The following TFEC variants were observed in gnomAD, a reference collection of about 807,000 sequenced individuals.
The protein encoded by TFEC is transcription factor EC, also known as class E basic helix-loop-helix protein 34.
TFEC carries 31 observed loss-of-function variants against 41.6 expected under a neutral mutation model. The observed-to-expected ratio is 0.74, with a 90% confidence interval of 0.56 to 1.01. The LOEUF is 1.01. Ranked by LOEUF, TFEC falls within the 50% of genes least tolerant of loss-of-function variation. TFEC has a pLI of 0.00. For missense variants in TFEC, 402 were observed against 404.1 expected (o/e 0.99, Z 0.04); for synonymous variants, 143 against 140.6 (o/e 1.02, Z -0.12).
chr7:116,036,164 G>A (rs1290470691), intron 3 of TFEC, among the ~76,000 whole-genome samples: 1 of 151,910 alleles, frequency 6.6e-6, no homozygotes, highest in Non-Finnish European at 1.5e-5. Context: ...GCTTATTTTG[G>A]AATTGGACCA....
intron 3 of TFEC, chr7:115,968,139 G>T: frequency 6.7e-7 from 1 of 1,502,336 alleles, no homozygotes; most frequent in South Asian, 1.3e-5. Flanking sequence ...ATTTAAGGTG[G>T]TTTCATCTCC....
intron 3 of TFEC, among the ~76,000 whole-genome samples, chr7:116,055,977 A>G (rs981356823): frequency 5.9e-5 from 9 of 152,156 alleles, no homozygotes; most frequent in Admixed American, 1.3e-4. Flanking sequence ...TTGATAACAT[A>G]TTATTGAAAT....
intron 3 of TFEC, among the ~76,000 whole-genome samples, chr7:115,969,769 T>G (rs1488065509): frequency 6.6e-6 from 1 of 151,930 alleles, no homozygotes; most frequent in Non-Finnish European, 1.5e-5. Context: ...TCAGAGCCTG[T>G]GGCTGTAGGG....
intron 1 of TFEC, among the ~76,000 whole-genome samples, chr7:115,995,936 G>A (rs1794349866): frequency 6.6e-6 from 1 of 152,204 alleles, no homozygotes; most frequent in African/African-American, 2.4e-5. Flanking sequence ...CAGAAGTTTA[G>A]TTCTTGCAAG....
chr7:116,136,502 A>G (rs978128633), intron 1 of TFEC, among the ~76,000 whole-genome samples: 83 of 152,084 alleles, frequency 5.5e-4, no homozygotes, highest in African/African-American at 1.9e-3. Flanking sequence ...ATTTATTCTC[A>G]CAAAATGTAT....
chr7:116,000,882 A>T (rs1053281315), intron 1 of TFEC, among the ~76,000 whole-genome samples: 12 of 152,210 alleles, frequency 7.9e-5, no homozygotes, highest in Admixed American at 5.9e-4. Context: ...TACCTAAAGC[A>T]ATCTACAGAT....
chr7:116,151,542 C>T (rs1798761168), intron 1 of TFEC, among the ~76,000 whole-genome samples: 1 of 152,096 alleles, frequency 6.6e-6, no homozygotes. Flanking sequence ...TGTGCCCAGA[C>T]CTAGCTGTTG....
chr7:115,994,523 A>T (rs1794273815), intron 1 of TFEC, among the ~76,000 whole-genome samples: 1 of 152,216 alleles, frequency 6.6e-6, no homozygotes, highest in African/African-American at 2.4e-5. Flanking sequence ...AAAATCAAAC[A>T]ACCCCATCAA....
At chr7:116,063,832 A>C (rs956066570) in intron 3 of TFEC, among the ~76,000 whole-genome samples, 3 of 152,140 alleles carry the variant, frequency 2.0e-5, no homozygotes, top group Admixed American at 6.5e-5. Flanking sequence ...CATTTTCTTT[A>C]TCTCTCCATT....
intron 1 of TFEC, among the ~76,000 whole-genome samples, chr7:116,022,236 G>A (rs768984595): frequency 2.0e-5 from 3 of 152,076 alleles, no homozygotes; most frequent in African/African-American, 4.8e-5. Flanking sequence ...TGTTGGCAGC[G>A]GTTTTCCATT....
At chr7:116,128,871 A>G (rs1798269860) in intron 1 of TFEC, among the ~76,000 whole-genome samples, 1 of 152,228 alleles carries the variant, frequency 6.6e-6, no homozygotes, top group South Asian at 2.1e-4. Context: ...GGATTTTTAG[A>G]AAGTCTAGAG....
rs942339507 is a variant in TFEC, at chr7:115,935,496, A to C, written c.*5055T>G. On this transcript the variant is annotated 3_prime_UTR_variant, in exon 8 of 8. Coordinates refer to ENST00000265440, the MANE Select transcript of TFEC (RefSeq NM_012252.4). ...ATTAATTTTAGCCTTGTATGCCATAAGCAACTGCTATGCTGTTAGATAAGA... is the reference window on the plus strand; with the variant it reads ...ATTAATTTTAGCCTTGTATGCCATACGCAACTGCTATGCTGTTAGATAAGA... 1 of 152,106 alleles carries C rather than the reference A, an allele frequency of 6.6e-6. No homozygotes were observed. Among genetic ancestry groups the C allele is most frequent in the African/African-American group, 2.4e-5 (1 of 41,428 alleles). 9.4% of individuals were successfully genotyped at this position (152,106 alleles called of 1,614,324 possible). A position where few individuals can be genotyped will look rare whatever the true frequency, so the allele number is the denominator to read the frequency against.
intron 1 of TFEC, among the ~76,000 whole-genome samples, chr7:115,986,327 T>C (rs1793854397): frequency 6.6e-6 from 1 of 152,152 alleles, no homozygotes; most frequent in Admixed American, 6.5e-5. Flanking sequence ...AGTATCCCTA[T>C]TGCACTATAT....
At chr7:115,962,273 G>A (rs1792596294) in intron 3 of TFEC, among the ~76,000 whole-genome samples, 2 of 151,718 alleles carry the variant, frequency 1.3e-5, no homozygotes, top group South Asian at 4.1e-4. Flanking sequence ...ACTATCTAAA[G>A]CAGTCTAAAA....
intron 1 of TFEC, among the ~76,000 whole-genome samples, chr7:115,994,132 C>A (rs1271155162): frequency 6.6e-6 from 1 of 152,130 alleles, no homozygotes; most frequent in Admixed American, 6.5e-5. Flanking sequence ...ATAAATGGTG[C>A]TGGGAAACCT....
chr7:115,942,000 C>T lies in TFEC; in HGVS notation c.556G>A (p.Val186Met), dbSNP rs761910208. The T allele has an allele frequency of 1.2e-6, 2 of 1,613,028 alleles. No homozygotes were observed. The highest frequency in any genetic ancestry group is 1.7e-6 in the Non-Finnish European group (2 of 1,179,318). The change falls in exon 7 of 8, where the codon GTG becomes ATG. Residue 186 changes from valine (V) to methionine (M), a missense_variant. Transcript: ENST00000265440. Reference sequence around the variant, plus strand: ...TTTTGTAGCCACTTGATGTACTCCACTGATGCTTTTAGAATGGTTCCTTTG... The same window carrying T: ...TTTTGTAGCCACTTGATGTACTCCATTGATGCTTTTAGAATGGTTCCTTTG... ...WNKGTILKAS[V>M]EYIKWLQKEQ...
intron 3 of TFEC, among the ~76,000 whole-genome samples, chr7:116,086,974 G>T (rs893886190): frequency 6.6e-6 from 1 of 151,942 alleles, no homozygotes; most frequent in East Asian, 1.9e-4. Flanking sequence ...CATCATTAGC[G>T]CAGCAGCACA....
chr7:115,946,356 G>T (rs922893082), intron 6 of TFEC, among the ~76,000 whole-genome samples: 1 of 148,986 alleles, frequency 6.7e-6, no homozygotes, highest in Admixed American at 6.8e-5. Flanking sequence ...GAGCAAATTC[G>T]GATTTAGAGA....
At chr7:116,122,842 T>G (rs1004288304) in intron 1 of TFEC, among the ~76,000 whole-genome samples, 10 of 152,000 alleles carry the variant, frequency 6.6e-5, no homozygotes, top group African/African-American at 2.4e-4. Context: ...CCAACACTGG[T>G]GTTAGTGTGG....
Sources: gnomAD v4.1 joint callset for allele counts (sites outside exome capture counted in the v4.1 genomes callset) on GRCh38, gnomAD v4.1.1 for gene constraint, MANE v1.5 for transcripts, NCBI Gene and HGNC (gene_info 2026-07-23, HGNC 2026-07-21) for gene names.